Variants in PAPPA observed in about 807,000 individuals in gnomAD.
PAPPA encodes pappalysin-1.
A neutral mutation model predicts 164.0 loss-of-function variants in PAPPA; 60 were observed. The observed-to-expected ratio is 0.37, with a 90% confidence interval of 0.30 to 0.45. The LOEUF is 0.45. PAPPA is among the 20% of genes least tolerant of loss of function. The pLI, the probability that PAPPA is intolerant of heterozygous loss-of-function variation, is 1.00. For missense variants in PAPPA, 1,782 were observed against 2,087.3 expected (o/e 0.85, Z 2.85); for synonymous variants, 875 against 814.1 (o/e 1.07, Z -1.27).
chr9:116,158,717 C>T (rs1168219762), intron 1 of PAPPA, among the ~76,000 whole-genome samples: 12 of 152,198 alleles, frequency 7.9e-5, no homozygotes, highest in Non-Finnish European at 2.9e-5. Context: ...TGAAGAAATC[C>T]AACTCTACCT....
chr9:116,278,723 G>A (rs574203780), intron 9 of PAPPA, among the ~76,000 whole-genome samples: 1 of 152,122 alleles, frequency 6.6e-6, no homozygotes, highest in South Asian at 2.1e-4. Flanking sequence ...AGACAGAGGA[G>A]CTTGAGTTCA....
intron 20 of PAPPA, among the ~76,000 whole-genome samples, chr9:116,381,941 G>A (rs1846736745): frequency 6.6e-6 from 1 of 152,104 alleles, no homozygotes; most frequent in African/African-American, 2.4e-5. Flanking sequence ...AATGCTTCTT[G>A]GGCAGTTTAC....
intron 7 of PAPPA, among the ~76,000 whole-genome samples, chr9:116,241,849 T>C (rs947102693): frequency 6.6e-6 from 1 of 152,212 alleles, no homozygotes; most frequent in Non-Finnish European, 1.5e-5. Context: ...GCTCTTGAGC[T>C]GAGTCACCAC....
intron 12 of PAPPA, among the ~76,000 whole-genome samples, chr9:116,334,252 A>AAAC (rs1564229894): frequency 1.3e-5 from 2 of 150,530 alleles, no homozygotes; most frequent in African/African-American, 4.9e-5. Context: ...AAAAAAAAAA[A>AAAC]AAAAAAAACA....
intron 7 of PAPPA, among the ~76,000 whole-genome samples, chr9:116,261,690 G>A (rs1048186543): frequency 5.3e-5 from 8 of 152,184 alleles, no homozygotes; most frequent in Middle Eastern, 3.4e-3. Context: ...TTCACAACCT[G>A]TAATTAAATT....
intron 5 of PAPPA, among the ~76,000 whole-genome samples, chr9:116,226,530 G>C (rs1844512575): frequency 1.3e-5 from 2 of 152,312 alleles, no homozygotes. Flanking sequence ...GGGTTGTGCT[G>C]GGACATTTCT....
intron 10 of PAPPA, among the ~76,000 whole-genome samples, chr9:116,312,748 C>G (rs1227040644): frequency 1.3e-5 from 2 of 152,106 alleles, no homozygotes; most frequent in African/African-American, 4.8e-5. Context: ...GGTATGTTAC[C>G]TGTAGAATGA....
At chr9:116,351,502 G>T (rs2118589616) in intron 15 of PAPPA, among the ~76,000 whole-genome samples, 1 of 152,302 alleles carries the variant, frequency 6.6e-6, no homozygotes, top group East Asian at 1.9e-4. Flanking sequence ...GCAATTGTTT[G>T]CTTTCCACAG....
chr9:116,261,199 T>C (rs1001547740), intron 7 of PAPPA, among the ~76,000 whole-genome samples: 2 of 152,236 alleles, frequency 1.3e-5, no homozygotes, highest in African/African-American at 4.8e-5. Flanking sequence ...AGGCAACACA[T>C]AGAAACTATG....
At chr9:116,268,464 C>G (rs1262630725) in intron 8 of PAPPA, among the ~76,000 whole-genome samples, 1 of 152,168 alleles carries the variant, frequency 6.6e-6, no homozygotes, top group Non-Finnish European at 1.5e-5. Context: ...CATATCTAGA[C>G]TATCCAGAAA....
At chr9:116,171,241 A>C (rs1843772515) in intron 1 of PAPPA, among the ~76,000 whole-genome samples, 1 of 152,180 alleles carries the variant, frequency 6.6e-6, no homozygotes, top group Admixed American at 6.5e-5. Context: ...AGCCTCCCAA[A>C]GCCCTTGTTT....
In PAPPA at chr9:116,202,948, T is replaced by G. The variant is rs947558853; in HGVS notation, c.1479-4508T>G. On this transcript the variant is annotated intron_variant, in intron 2 of 21. Coordinates refer to ENST00000328252, the MANE Select transcript of PAPPA (RefSeq NM_002581.5). ...AAATTTAGCCCTCTGTAGACCATGA[T>G]CTGGAAGACATTGATCTATTTCACA... is the stretch of plus-strand genomic sequence containing the variant. Among the ~76,000 whole-genome samples, 4 of 152,304 alleles carry G rather than the reference T, an allele frequency of 2.6e-5. 1 individual carries two copies. The South Asian group carries it at 8.3e-4, about 32-fold the overall frequency.
At chr9:116,206,856 A>C (rs1844241813) in intron 2 of PAPPA, among the ~76,000 whole-genome samples, 1 of 152,160 alleles carries the variant, frequency 6.6e-6, no homozygotes, top group Non-Finnish European at 1.5e-5. Flanking sequence ...CCAGCAGAGG[A>C]AACAGCATGA....
chr9:116,236,469 C>T (rs1315755253), intron 7 of PAPPA, among the ~76,000 whole-genome samples: 1 of 151,836 alleles, frequency 6.6e-6, no homozygotes, highest in Non-Finnish European at 1.5e-5. Flanking sequence ...CACCTGTAAT[C>T]CCAGCTACTC....
At chr9:116,350,957 C>A (rs1846274093) in intron 15 of PAPPA, among the ~76,000 whole-genome samples, 1 of 152,160 alleles carries the variant, frequency 6.6e-6, no homozygotes, top group African/African-American at 2.4e-5. Flanking sequence ...CTGCCTTGTG[C>A]TAACCAGATG....
intron 1 of PAPPA, among the ~76,000 whole-genome samples, chr9:116,181,682 T>A (rs899590363): frequency 1.3e-5 from 2 of 152,144 alleles, no homozygotes; most frequent in Non-Finnish European, 2.9e-5. Context: ...GTATCGACAT[T>A]GGAAGTTAGA....
At position 116,211,874 on chromosome 9, in the gene PAPPA, C is replaced by T; in HGVS notation, c.1860C>T (p.Asp620=). The T allele has an allele frequency of 6.2e-7, 1 of 1,614,114 alleles. No individual in the cohort carries two copies. Among genetic ancestry groups the T allele is most frequent in the East Asian group, 2.2e-5 (1 of 44,874 alleles). The change falls in exon 4 of 22, where the codon GAC becomes GAT. Residue 620 remains aspartate (D), a synonymous_variant. Coordinates refer to ENST00000328252, the MANE Select transcript of PAPPA (RefSeq NM_002581.5). ...GTGGTGACCCAGGGCCAGGAAATGA[C>T]ACCTGTGGCTTTCATAGCTTCTTCA... ...KSCGDPGPGN[D]TCGFHSFFNT...
rs1005039764 is a variant in PAPPA at position 116,362,513 on chromosome 9, T to C, written c.4348-79T>C. On this transcript the variant is annotated intron_variant, in intron 17 of 21. Coordinates refer to ENST00000328252, the MANE Select transcript of PAPPA (RefSeq NM_002581.5). ...GAGCTCTGGAGAGATGAAAAATTCT[T>C]TTCTGTTGTATTCAGAATAGCTTAT... 6.8e-6 allele frequency: 10 copies of C among 1,462,358 alleles called. No individual in the cohort carries two copies. In the African/African-American group the frequency reaches 9.9e-5, roughly 14 times the overall value. The allele number at this position is 1,462,358 out of a possible 1,614,324, so 90.6% of individuals were successfully genotyped here.
intron 19 of PAPPA, among the ~76,000 whole-genome samples, chr9:116,375,077 C>A (rs1031422296): frequency 4.6e-5 from 7 of 152,200 alleles, no homozygotes; most frequent in Admixed American, 1.3e-4. Context: ...ACCATTTTCA[C>A]AGCATTTATA....
Sources: gnomAD v4.1 joint callset for allele counts (sites outside exome capture counted in the v4.1 genomes callset) on GRCh38, gnomAD v4.1.1 for gene constraint, MANE v1.5 for transcripts, NCBI Gene and HGNC (gene_info 2026-07-23, HGNC 2026-07-21) for gene names.